WWP1: variants seen among roughly 807,000 people sequenced by gnomAD.
WWP1 encodes NEDD4-like E3 ubiquitin-protein ligase WWP1.
A neutral mutation model predicts 130.6 loss-of-function variants in WWP1; 49 were observed. The ratio of observed to expected loss-of-function variants is 0.38; its 90% CI spans 0.30 to 0.48. WWP1 has a LOEUF of 0.48. WWP1 is among the 20% of genes least tolerant of loss of function. The pLI is 0.99. For missense variants in WWP1, 809 were observed against 1,100.6 expected, an observed-to-expected ratio of 0.74 and a Z score of 3.75; for synonymous variants, 332 against 367.8, an observed-to-expected ratio of 0.90 and a Z score of 1.11.
At chr8:86,461,673 AT>A in intron 23 of WWP1, 100 bp from the exon 24 acceptor site, 1 of 920,320 alleles carries the variant, frequency 1.1e-6, no homozygotes, top group Non-Finnish European at 1.7e-6. Flanking sequence ...TTTATTTTGT[AT>A]CATTCATATG....
At chr8:86,436,707 T>C (rs1810305413) in intron 16 of WWP1, among the ~76,000 whole-genome samples, 1 of 152,240 alleles carries the variant, frequency 6.6e-6, no homozygotes, top group Non-Finnish European at 1.5e-5. Context: ...ATAATCCAAA[T>C]ACTGTATTGT....
chr8:86,355,922 C>G (rs1378244559), intron 1 of WWP1, among the ~76,000 whole-genome samples: 1 of 152,176 alleles, frequency 6.6e-6, no homozygotes, highest in East Asian at 1.9e-4. Context: ...GTGAAAAGAG[C>G]ATTAGCTTTG....
At chr8:86,369,230 G>A (rs1005541926) in intron 2 of WWP1, among the ~76,000 whole-genome samples, 199 bp downstream of exon 2, 1 of 152,124 alleles carries the variant, frequency 6.6e-6, no homozygotes, top group African/African-American at 2.4e-5. Context: ...TTACTGTAAT[G>A]CTCAGATGGG....
At chr8:86,461,599 C>T in intron 23 of WWP1, 175 bp from the exon 24 acceptor site, 1 of 646,486 alleles carries the variant, frequency 1.5e-6, no homozygotes, top group Non-Finnish European at 2.7e-6. Context: ...TGATCTAATT[C>T]TTATTGCTGG....
intron 8 of WWP1, among the ~76,000 whole-genome samples, chr8:86,408,720 A>C (rs1166844337): frequency 6.6e-6 from 1 of 152,158 alleles, no homozygotes; most frequent in Non-Finnish European, 1.5e-5. Context: ...GTTCGAGTCC[A>C]GCCTGGGCAA....
At chr8:86,462,091 A>G (rs1353991270) in intron 24 of WWP1, among the ~76,000 whole-genome samples, 1 of 152,206 alleles carries the variant, frequency 6.6e-6, no homozygotes, top group Non-Finnish European at 1.5e-5. Context: ...GTATAAAGTA[A>G]GATGTAAGTA....
intron 24 of WWP1, 125 bp from the exon 25 acceptor site, chr8:86,466,669 G>A (rs1812177781): frequency 2.0e-6 from 1 of 494,258 alleles, no homozygotes; most frequent in African/African-American, 2.0e-5. Context: ...AAATACTTCT[G>A]GCAAAATTTT....
At chr8:86,383,182 ATT>A (rs79056520) in intron 5 of WWP1, among the ~76,000 whole-genome samples, 4 of 150,368 alleles carry the variant, frequency 2.7e-5, no homozygotes, top group South Asian at 2.1e-4. Flanking sequence ...ATGCCATGGC[ATT>A]TTTTTTTTTC....
chr8:86,458,617 T>C (rs567287437), intron 22 of WWP1, among the ~76,000 whole-genome samples: 1 of 152,334 alleles, frequency 6.6e-6, no homozygotes, highest in East Asian at 1.9e-4. Context: ...ATCAGGGATA[T>C]TCTTCAGATA....
At chr8:86,434,733 A>C (rs1477875148) in intron 14 of WWP1, among the ~76,000 whole-genome samples, 1 of 152,184 alleles carries the variant, frequency 6.6e-6, no homozygotes, top group East Asian at 1.9e-4. Context: ...GTCACTGTCT[A>C]GAAGAAAGCC....
chr8:86,424,380 G>T lies in WWP1; in HGVS notation c.1062-843G>T, dbSNP rs199916257. 0.011 allele frequency among the ~76,000 whole-genome samples: 1,621 copies of T among 151,116 alleles called. 100 individuals are homozygous for T. The East Asian group carries it at 0.21, about 19-fold the overall frequency. On this transcript the variant is annotated intron_variant, in intron 9 of 24. Coordinates refer to ENST00000517970, the MANE Select transcript of WWP1 (RefSeq NM_007013.4). Reference sequence around the variant, plus strand: ...AGACGATGGGCGGCCAGGCAGAGACGCTCCTCACTTCCCAGACGGGGTGGC... The same window carrying T: ...AGACGATGGGCGGCCAGGCAGAGACTCTCCTCACTTCCCAGACGGGGTGGC...
intron 3 of WWP1, among the ~76,000 whole-genome samples, chr8:86,376,828 A>G (rs111979401): frequency 0.01 from 1,541 of 152,318 alleles, 24 homozygotes; most frequent in African/African-American, 0.035. Flanking sequence ...AAATGGCACC[A>G]GGTTTTAGTG....
chr8:86,444,801 G>A (rs901153605), intron 18 of WWP1, among the ~76,000 whole-genome samples: 2 of 152,168 alleles, frequency 1.3e-5, no homozygotes, highest in African/African-American at 4.8e-5. Flanking sequence ...TAGAGAATTG[G>A]TCACTAACTG....
intron 9 of WWP1, among the ~76,000 whole-genome samples, chr8:86,422,415 T>C (rs1243054962): frequency 4.6e-5 from 7 of 151,650 alleles, no homozygotes; most frequent in African/African-American, 1.7e-4. Flanking sequence ...CAGGCTGGAG[T>C]GCGGTGCAAT....
chr8:86,440,725 C>T (rs1290489436), intron 17 of WWP1: 1 of 454,998 alleles, frequency 2.2e-6, no homozygotes, highest in Non-Finnish European at 4.4e-6. Context: ...TCAGGAACAT[C>T]AGTCATGGGT....
intron 14 of WWP1, among the ~76,000 whole-genome samples, chr8:86,434,675 A>G (rs1490022637): frequency 1.3e-5 from 2 of 152,170 alleles, no homozygotes; most frequent in Non-Finnish European, 2.9e-5. Flanking sequence ...CTTCACTAGT[A>G]TATAAGCTCC....
In WWP1 at chr8:86,448,463, G is replaced by T. The variant is rs768580133; in HGVS notation, c.2223G>T (p.Leu741Phe). The T allele has an allele frequency of 1.2e-6, 2 of 1,613,688 alleles. No individual in the cohort carries two copies. The highest frequency in any genetic ancestry group is 2.2e-5 in the South Asian group (2 of 91,040). Residue 741 changes from leucine to phenylalanine, a missense_variant, in exon 20 of 25, where the codon TTG becomes TTT. Coordinates refer to ENST00000517970, the MANE Select transcript of WWP1 (RefSeq NM_007013.4). ...AAGTTACTTCACATGACCTGAAGTT[G>T]GGAGGTTCCAATATTCTGGTGACTG... is the stretch of plus-strand genomic sequence containing the variant. ...LGKVTSHDLKLGGSNILVTEE... is the reference protein window; with the variant it reads ...LGKVTSHDLKFGGSNILVTEE...
intron 20 of WWP1, 137 bp downstream of exon 20, chr8:86,448,650 G>A: frequency 1.3e-6 from 1 of 751,152 alleles, no homozygotes; most frequent in Non-Finnish European, 2.0e-6. Context: ...TGAAAAAAGA[G>A]AATATATGTT....
chr8:86,458,154 AATCTAAGCGAATAG>A (rs1811559978), intron 22 of WWP1, 129 bp downstream of exon 22: 1 of 678,878 alleles, frequency 1.5e-6, no homozygotes, highest in Non-Finnish European at 2.4e-6. Context: ...TTTAATTCTA[AATCTAAGCGAATAG>A]TGTGAACACT....
Sources: allele counts gnomAD v4.1 joint callset (sites outside exome capture counted in the v4.1 genomes callset), GRCh38; gene constraint gnomAD v4.1.1; transcripts MANE v1.5; gene names NCBI Gene and HGNC (gene_info 2026-07-23, HGNC 2026-07-21).